The following CADPS variants were observed in gnomAD, a reference collection of about 807,000 sequenced individuals.
CADPS encodes calcium dependent secretion activator.
A neutral mutation model predicts 167.3 loss-of-function variants in CADPS; 57 were observed. The ratio of observed to expected loss-of-function variants is 0.34; its 90% CI spans 0.28 to 0.42. The LOEUF (loss-of-function observed/expected upper bound fraction) is 0.42. CADPS is among the 20% of genes least tolerant of loss of function. The pLI, the probability that CADPS is intolerant of heterozygous loss-of-function variation, is 1.00. For missense variants in CADPS, 1,414 were observed against 1,738.1 expected (o/e 0.81, Z 3.32); for synonymous variants, 676 against 635.3 (o/e 1.06, Z -0.96).
chr3:62,566,073 C>A (rs1341672978), intron 9 of CADPS, among the ~76,000 whole-genome samples: 1 of 152,156 alleles, frequency 6.6e-6, no homozygotes, highest in Non-Finnish European at 1.5e-5. Flanking sequence ...TCTACATAAA[C>A]ACATTCCATA....
chr3:62,592,791 T>G (rs2086346146), intron 6 of CADPS, 43 bp from the exon 7 acceptor site: 1 of 1,427,288 alleles, frequency 7.0e-7, no homozygotes, highest in African/African-American at 1.4e-5. Flanking sequence ...ATATCTGCCT[T>G]GATGAGTCTA....
chr3:62,552,179 G>C (rs1186743101), intron 10 of CADPS, among the ~76,000 whole-genome samples: 3 of 140,468 alleles, frequency 2.1e-5, no homozygotes, highest in Non-Finnish European at 4.5e-5. Flanking sequence ...ATTGAACAAT[G>C]AGAACACATG....
intron 1 of CADPS, among the ~76,000 whole-genome samples, chr3:62,857,869 TAA>T (rs909581976): frequency 1.6e-4 from 24 of 152,160 alleles, no homozygotes; most frequent in African/African-American, 5.1e-4. Context: ...TCAGTTATAA[TAA>T]AAGTTACTTT....
chr3:62,437,029 A>G (rs992577408), intron 28 of CADPS, among the ~76,000 whole-genome samples: 6 of 151,958 alleles, frequency 3.9e-5, no homozygotes, highest in Admixed American at 1.3e-4. Context: ...CACAAACTCA[A>G]TGTAAATTGC....
chr3:62,864,605 C>T (rs1189583782), intron 1 of CADPS, among the ~76,000 whole-genome samples: 1 of 152,114 alleles, frequency 6.6e-6, no homozygotes, highest in African/African-American at 2.4e-5. Context: ...TTCACGTGGC[C>T]TTCTCCGTGT....
At chr3:62,692,466 C>G (rs1038639675) in intron 3 of CADPS, among the ~76,000 whole-genome samples, 1 of 152,064 alleles carries the variant, frequency 6.6e-6, no homozygotes, top group African/African-American at 2.4e-5. Flanking sequence ...CCACAACTAC[C>G]ATTTGAAGAC....
chr3:62,536,931 A>T (rs1000654201), intron 11 of CADPS, among the ~76,000 whole-genome samples: 1 of 152,144 alleles, frequency 6.6e-6, no homozygotes, highest in Non-Finnish European at 1.5e-5. Flanking sequence ...AAGATAGCCT[A>T]TTTAGCTTTG....
rs1256321619 is a variant in CADPS at position 62,703,111 on chromosome 3, A to C, written c.889-40717T>G. ...ACAGATATAAGCACCATTATAAAAC[A>C]AATATATTATTAAAAACTTGTGAGA... On this transcript the variant is annotated intron_variant, in intron 3 of 29. Transcript: ENST00000383710. 4.6e-5 allele frequency among the ~76,000 whole-genome samples: 7 copies of C among 152,198 alleles called. No homozygotes were observed. The East Asian group carries it at 1.3e-3, about 29-fold the overall frequency.
intron 1 of CADPS, among the ~76,000 whole-genome samples, chr3:62,787,151 C>G (rs556068333): frequency 2.0e-4 from 31 of 152,062 alleles, no homozygotes; most frequent in African/African-American, 7.5e-4. Flanking sequence ...AAAAATTAGC[C>G]GGGCATGGTT....
chr3:62,405,565 G>GT (rs1372180324), intron 28 of CADPS, among the ~76,000 whole-genome samples: 3 of 152,004 alleles, frequency 2.0e-5, no homozygotes, highest in Non-Finnish European at 4.4e-5. Flanking sequence ...AAATAAAAAG[G>GT]TAGGAGACTA....
At chr3:62,568,075 G>C (rs1291431330) in intron 9 of CADPS, among the ~76,000 whole-genome samples, 6 of 152,184 alleles carry the variant, frequency 3.9e-5, no homozygotes, top group Non-Finnish European at 8.8e-5. Context: ...AACCAGGTTA[G>C]ACTAAACCAA....
chr3:62,593,106 G>T (rs1294691954), intron 6 of CADPS, among the ~76,000 whole-genome samples: 1 of 152,202 alleles, frequency 6.6e-6, no homozygotes, highest in African/African-American at 2.4e-5. Context: ...CCTCATTCAT[G>T]GAAACTGCAG....
intron 26 of CADPS, among the ~76,000 whole-genome samples, chr3:62,459,068 A>T (rs1476621080): frequency 1.3e-5 from 2 of 152,218 alleles, no homozygotes; most frequent in Non-Finnish European, 2.9e-5. Context: ...CCCAAAGGGG[A>T]TGTCAAATTC....
intron 1 of CADPS, among the ~76,000 whole-genome samples, chr3:62,865,385 T>TAAAAAAA (rs35780515): frequency 3.6e-5 from 4 of 110,120 alleles, no homozygotes; most frequent in Admixed American, 9.6e-5. Flanking sequence ...ACTTAAGGAT[T>TAAAAAAA]AAAAAAAAAA....
intron 8 of CADPS, among the ~76,000 whole-genome samples, chr3:62,581,634 T>C (rs993895911): frequency 1.3e-5 from 2 of 152,096 alleles, no homozygotes; most frequent in East Asian, 1.9e-4. Context: ...TAAGCTATGA[T>C]AGCACCTTTG....
At chr3:62,406,726 T>C (rs1180808636) in intron 28 of CADPS, among the ~76,000 whole-genome samples, 1 of 152,196 alleles carries the variant, frequency 6.6e-6, no homozygotes, top group Non-Finnish European at 1.5e-5. Flanking sequence ...AAATATGCCC[T>C]CTGGGGAAAA....
chr3:62,838,495 C>T (rs982893768), intron 1 of CADPS, among the ~76,000 whole-genome samples: 3 of 152,006 alleles, frequency 2.0e-5, no homozygotes, highest in Non-Finnish European at 4.4e-5. Context: ...CTGTGAAATC[C>T]CTAAAACTGT....
chr3:62,558,242 T>C (rs1217112309), intron 9 of CADPS, among the ~76,000 whole-genome samples: 2 of 152,206 alleles, frequency 1.3e-5, no homozygotes, highest in African/African-American at 2.4e-5. Context: ...GTGGCTGTTG[T>C]CACTTGTGCC....
At position 62,444,394 on chromosome 3, in the gene CADPS, G is replaced by C. The variant is rs2056870412; in HGVS notation, c.3669+1371C>G. On this transcript the variant is annotated intron_variant, in intron 27 of 29. Coordinates refer to ENST00000383710, the MANE Select transcript of CADPS (RefSeq NM_003716.4). ...TGGTGCTGGATGTTCTATGTATGTTGTGTCATTTAATTTGCACAGCAAACC... is the reference window on the plus strand; with the variant it reads ...TGGTGCTGGATGTTCTATGTATGTTCTGTCATTTAATTTGCACAGCAAACC... Among the ~76,000 whole-genome samples the C allele has an allele frequency of 2.6e-5, 4 of 152,276 alleles. No homozygotes were observed. The South Asian group carries it at 8.3e-4, about 32-fold the overall frequency.
Sources: gnomAD v4.1 joint callset for allele counts (sites outside exome capture counted in the v4.1 genomes callset) on GRCh38, gnomAD v4.1.1 for gene constraint, MANE v1.5 for transcripts, NCBI Gene and HGNC (gene_info 2026-07-23, HGNC 2026-07-21) for gene names.